The following HERC4 variants were observed in gnomAD, a reference collection of about 807,000 sequenced individuals.
The protein encoded by HERC4 is HECT and RLD domain containing E3 ubiquitin protein ligase 4, also known as probable E3 ubiquitin-protein ligase HERC4.
In HERC4, 28 loss-of-function variants were observed where a neutral mutation model predicts 124.3. The ratio of observed to expected loss-of-function variants is 0.23; its 90% confidence interval spans 0.17 to 0.31. HERC4 has a LOEUF of 0.31. Ranked by LOEUF, HERC4 falls within the 10% of genes least tolerant of loss-of-function variation. HERC4 has a pLI of 1.00. For synonymous variants in HERC4, 407 were observed against 421.5 expected, an observed-to-expected ratio of 0.97 and a Z score of 0.42; for missense variants, 713 against 1,229.3, an observed-to-expected ratio of 0.58 and a Z score of 6.28.
intron 23 of HERC4, among the ~76,000 whole-genome samples, chr10:67,927,597 C>T (rs1211159510): frequency 6.6e-6 from 1 of 150,854 alleles, no homozygotes; most frequent in Non-Finnish European, 1.5e-5. Flanking sequence ...AGCTAATTTT[C>T]GTATTTTTAG....
intron 3 of HERC4, among the ~76,000 whole-genome samples, chr10:68,045,708 ACTTT>A (rs745966264): frequency 6.6e-6 from 1 of 152,198 alleles, no homozygotes; most frequent in Admixed American, 6.5e-5. Context: ...TTTAAAATTA[ACTTT>A]CTTTCAGCTT....
chr10:68,001,534 G>C (rs2132939896), intron 9 of HERC4, among the ~76,000 whole-genome samples: 1 of 152,216 alleles, frequency 6.6e-6, no homozygotes, highest in South Asian at 2.1e-4. Flanking sequence ...TATACAGCTT[G>C]AGTACAGTGC....
At chr10:67,986,410 T>C (rs2036262721) in intron 15 of HERC4, among the ~76,000 whole-genome samples, 1 of 152,194 alleles carries the variant, frequency 6.6e-6, no homozygotes, top group African/African-American at 2.4e-5. Context: ...TGGAGTGCAG[T>C]GGTATGATCT....
chr10:68,010,910 C>T (rs1308535780), intron 9 of HERC4: 4 of 1,306,476 alleles, frequency 3.1e-6, no homozygotes, highest in Non-Finnish European at 4.3e-6. Flanking sequence ...CCTAAGATTG[C>T]AGCAATTCAG....
At chr10:67,925,264 C>T in intron 23 of HERC4, 77 bp from the exon 24 acceptor site, 1 of 734,708 alleles carries the variant, frequency 1.4e-6, no homozygotes, top group Admixed American at 2.7e-5. Flanking sequence ...TAACATGGTC[C>T]AGTAGTTTGC....
intron 19 of HERC4, among the ~76,000 whole-genome samples, chr10:67,951,996 C>G (rs987732813): frequency 6.6e-6 from 1 of 152,170 alleles, no homozygotes; most frequent in African/African-American, 2.4e-5. Context: ...TCCACCACAC[C>G]TCAATGCCCA....
intron 3 of HERC4, among the ~76,000 whole-genome samples, chr10:68,061,673 G>A (rs1247213519): frequency 6.6e-6 from 1 of 151,328 alleles, no homozygotes; most frequent in Admixed American, 6.6e-5. Flanking sequence ...CAGGTCAGGA[G>A]TTCGAGACCA....
chr10:67,943,786 GA>G (rs1232843837), intron 19 of HERC4, among the ~76,000 whole-genome samples: 3 of 152,318 alleles, frequency 2.0e-5, no homozygotes, highest in South Asian at 4.1e-4. Context: ...AACCTTTCTT[GA>G]AAACCCAAAG....
At chr10:68,022,043 T>C (rs1207777817) in intron 8 of HERC4, among the ~76,000 whole-genome samples, 1 of 151,996 alleles carries the variant, frequency 6.6e-6, no homozygotes, top group African/African-American at 2.4e-5. Context: ...TTAAAACCTA[T>C]CATAAAGAAT....
intron 7 of HERC4, among the ~76,000 whole-genome samples, chr10:68,027,829 A>G (rs2133297838): frequency 6.6e-6 from 1 of 152,120 alleles, no homozygotes; most frequent in South Asian, 2.1e-4. Context: ...AGGCTGAGGC[A>G]GGAGAATCAC....
chr10:67,993,657 A>C (rs756642179), intron 9 of HERC4: 1 of 152,170 alleles, frequency 6.6e-6, no homozygotes, highest in Non-Finnish European at 1.5e-5. Flanking sequence ...CTTTGTTGGC[A>C]GCTATTTGTC....
At chr10:68,036,654 G>T (rs756479529) in intron 5 of HERC4, among the ~76,000 whole-genome samples, 83 of 152,094 alleles carry the variant, frequency 5.5e-4, no homozygotes, top group Non-Finnish European at 9.0e-4. Context: ...AAAACTACAT[G>T]CCAATATTCA....
intron 15 of HERC4, among the ~76,000 whole-genome samples, chr10:67,969,169 C>A (rs1320976582): frequency 6.6e-6 from 1 of 152,168 alleles, no homozygotes. Flanking sequence ...TTTTCTTGAA[C>A]CTGTGAGAGA....
At chr10:67,958,950 C>G (rs2034319339) in intron 16 of HERC4, among the ~76,000 whole-genome samples, 1 of 152,046 alleles carries the variant, frequency 6.6e-6, no homozygotes, top group African/African-American at 2.4e-5. Context: ...AAATGTTATA[C>G]AAGATAATCT....
At chr10:67,997,229 A>AT (rs1316513530) in intron 9 of HERC4, among the ~76,000 whole-genome samples, 3 of 152,212 alleles carry the variant, frequency 2.0e-5, no homozygotes, top group Non-Finnish European at 4.4e-5. Flanking sequence ...TGGTTTACTG[A>AT]TAAATACCTA....
rs755666986 is a variant in HERC4 at position 67,941,669 on chromosome 10, C to CTTTTTTTTT, written c.2338-573_2338-565dup. On this transcript the variant is annotated intron_variant, in intron 19 of 24. Coordinates refer to ENST00000373700, the MANE Select transcript of HERC4 (RefSeq NM_015601.4). ...CACTAAATGTTCTTCTAAAACACAA[C>CTTTTTTTTT]TTTTTTTTTTTTTTTTTTTTTTTTT... Among the ~76,000 whole-genome samples, 62 of 91,760 alleles carry CTTTTTTTTT rather than the reference C, an allele frequency of 6.8e-4. 2 individuals carry two copies. Among genetic ancestry groups the CTTTTTTTTT allele is most frequent in the African/African-American group, 2.3e-3 (57 of 24,844 alleles). 60.2% of individuals were successfully genotyped at this position (91,760 alleles called of 152,430 possible).
chr10:68,029,565 G>A (rs887490076), intron 7 of HERC4, among the ~76,000 whole-genome samples: 2 of 151,676 alleles, frequency 1.3e-5, no homozygotes, highest in African/African-American at 4.8e-5. Flanking sequence ...TTTCCCCCTA[G>A]TGATATACAG....
At chr10:68,013,617 G>C (rs2038096505) in intron 9 of HERC4, among the ~76,000 whole-genome samples, 1 of 152,160 alleles carries the variant, frequency 6.6e-6, no homozygotes, top group African/African-American at 2.4e-5. Flanking sequence ...TTAATGCATA[G>C]AGTTTTAGTA....
At chr10:68,068,253 G>A (rs1589476740) in intron 3 of HERC4, 1 of 152,208 alleles carries the variant, frequency 6.6e-6, no homozygotes, top group East Asian at 1.9e-4. Context: ...GGGAGACCGA[G>A]GTGGGCAGAT....
Sources: allele counts gnomAD v4.1 joint callset (sites outside exome capture counted in the v4.1 genomes callset), GRCh38; gene constraint gnomAD v4.1.1; transcripts MANE v1.5; gene names NCBI Gene and HGNC (gene_info 2026-07-23, HGNC 2026-07-21).